GSTCD: variants seen among roughly 807,000 people sequenced by gnomAD.
GSTCD encodes the protein glutathione S-transferase C-terminal domain containing.
Under a neutral mutation model 68.3 loss-of-function variants are expected in GSTCD, and 44 were observed. That is an observed-to-expected ratio of 0.64 (90% confidence interval 0.51 to 0.83). The LOEUF (loss-of-function observed/expected upper bound fraction) is 0.83. Among genes scored for constraint, GSTCD ranks in the 40% least tolerant of loss-of-function variants. GSTCD has a pLI of 0.00. For synonymous variants in GSTCD, 273 were observed against 255.2 expected (o/e 1.07, Z -0.67); for missense variants, 739 against 735.9 (o/e 1.00, Z -0.05).
At chr4:105,740,348 G>A (rs1302093446) in intron 5 of GSTCD, among the ~76,000 whole-genome samples, 1 of 151,986 alleles carries the variant, frequency 6.6e-6, no homozygotes, top group Non-Finnish European at 1.5e-5. Context: ...TTCCCCACGG[G>A]GAGAGTTCCT....
chr4:105,783,895 A>G (rs1388650056), intron 5 of GSTCD, among the ~76,000 whole-genome samples: 1 of 152,216 alleles, frequency 6.6e-6, no homozygotes, highest in East Asian at 1.9e-4. Flanking sequence ...TGGAGAGTAC[A>G]AGCAAATTAG....
At chr4:105,719,630 G>A in intron 3 of GSTCD, 103 bp downstream of exon 3, 1 of 797,664 alleles carries the variant, frequency 1.3e-6, no homozygotes, top group Non-Finnish European at 2.0e-6. Flanking sequence ...ATGCTGCTAG[G>A]AAAGTTATTA....
chr4:105,805,522 G>C (rs570725393), intron 5 of GSTCD, among the ~76,000 whole-genome samples: 5 of 152,004 alleles, frequency 3.3e-5, no homozygotes, highest in African/African-American at 1.2e-4. Context: ...GTAAGATTCT[G>C]TTTGGTTTTT....
chr4:105,776,828 C>T (rs1735085713), intron 5 of GSTCD, among the ~76,000 whole-genome samples: 1 of 152,180 alleles, frequency 6.6e-6, no homozygotes, highest in Admixed American at 6.5e-5. Flanking sequence ...AAGATTCTAA[C>T]TTTATCTTTT....
chr4:105,754,411 A>G lies in GSTCD; in HGVS notation c.1240+24912A>G, dbSNP rs555183813. Among the ~76,000 whole-genome samples the G allele has an allele frequency of 1.1e-4, 16 of 152,332 alleles. No individual in the cohort carries two copies. In the South Asian group the frequency reaches 3.3e-3, roughly 32 times the overall value. ...TATTTAAATGGCATAAATATACAAT[A>G]TTAGTTATCAATAGTATAATGTTTA... On this transcript the variant is annotated intron_variant, in intron 5 of 11. Coordinates refer to ENST00000515279, the MANE Select transcript of GSTCD (RefSeq NM_001370181.1).
At chr4:105,718,452 A>G (rs1274172762) in intron 2 of GSTCD, among the ~76,000 whole-genome samples, 2 of 152,116 alleles carry the variant, frequency 1.3e-5, no homozygotes, top group African/African-American at 4.8e-5. Flanking sequence ...TTTGCCTTCT[A>G]CCATGACTAA....
chr4:105,766,887 CTTTTT>C lies in GSTCD; in HGVS notation c.1240+37409_1240+37413del. Among the ~76,000 whole-genome samples, 27 of 57,130 alleles carry C rather than the reference CTTTTT, an allele frequency of 4.7e-4. 1 individual carries two copies. Among genetic ancestry groups the C allele is most frequent in the African/African-American group, 1.7e-3 (21 of 12,438 alleles). The allele number at this position is 57,130 out of a possible 152,430, so 37.5% of individuals were successfully genotyped here. On this transcript the variant is annotated intron_variant, in intron 5 of 11. Coordinates refer to ENST00000515279, the MANE Select transcript of GSTCD (RefSeq NM_001370181.1). ...CAAAAGCATGAATAGGTTTTTGACT[CTTTTT>C]TTTTTTTTTTTTTTTTTTTTACCAG...
At position 105,820,185 on chromosome 4, in the gene GSTCD, A is replaced by C. The variant is rs560222362; in HGVS notation, c.1241-2769A>C. Reference sequence around the variant, plus strand: ...GATGAACCAAAAATGCTGGTGTTTTAACATGGCTTCCCCCTTGCTTAAAAA... The same window carrying C: ...GATGAACCAAAAATGCTGGTGTTTTCACATGGCTTCCCCCTTGCTTAAAAA... On this transcript the variant is annotated intron_variant, in intron 5 of 11. Transcript: ENST00000515279. 2.6e-5 allele frequency among the ~76,000 whole-genome samples: 4 copies of C among 151,740 alleles called. No homozygotes were observed. In the South Asian group the frequency reaches 8.3e-4, roughly 31 times the overall value.
intron 5 of GSTCD, among the ~76,000 whole-genome samples, chr4:105,785,267 A>G (rs1735422921): frequency 6.6e-6 from 1 of 152,222 alleles, no homozygotes; most frequent in Non-Finnish European, 1.5e-5. Context: ...TCATCACAGG[A>G]AAAGAAAACA....
intron 1 of GSTCD, among the ~76,000 whole-genome samples, chr4:105,716,770 A>C (rs1248013249): frequency 6.6e-6 from 1 of 152,220 alleles, no homozygotes; most frequent in African/African-American, 2.4e-5. Context: ...TAGAGGAATA[A>C]CAATCTACTT....
At position 105,717,976 on chromosome 4, in the gene GSTCD, C is replaced by T. The variant is rs1302617894; in HGVS notation, c.363C>T (p.Pro121=). ...TCCAGAAATCCTATGAAGCAGACCC[C>T]TTAAAGAAGGAACTTTTGGAACTTC... ...HIIQKSYEAD[P]LKKELLELLG... The change falls in exon 2 of 12, where the codon CCC becomes CCT. Residue 121 remains proline (P), a synonymous_variant. Transcript: ENST00000515279. 1.2e-6 allele frequency: 2 copies of T among 1,613,104 alleles called. No homozygotes were observed. The highest frequency in any genetic ancestry group is 1.7e-6 in the Non-Finnish European group (2 of 1,179,746).
At chr4:105,822,377 T>C (rs1011694214) in intron 5 of GSTCD, among the ~76,000 whole-genome samples, 1 of 152,214 alleles carries the variant, frequency 6.6e-6, no homozygotes. Flanking sequence ...ACCATTGATA[T>C]ATTTCAGACA....
chr4:105,727,943 T>C (rs868497973), intron 4 of GSTCD, among the ~76,000 whole-genome samples: 3 of 152,220 alleles, frequency 2.0e-5, no homozygotes, highest in African/African-American at 7.2e-5. Flanking sequence ...AGGAAGTATT[T>C]GAGTTCGGTA....
chr4:105,797,760 C>CTTTTTTTTTTTTT lies in GSTCD; in HGVS notation c.1241-25174_1241-25162dup, dbSNP rs70941218. On this transcript the variant is annotated intron_variant, in intron 5 of 11. Transcript: ENST00000515279. ...TGATAGCATTTTACACACAATAGAA[C>CTTTTTTTTTTTTT]TTTTTTTTTTTTTTTTTTTTTTTTT... Among the ~76,000 whole-genome samples the CTTTTTTTTTTTTT allele has an allele frequency of 1.6e-4, 14 of 84,954 alleles. 1 individual carries two copies. The highest frequency in any genetic ancestry group is 5.7e-4 in the African/African-American group (12 of 21,098). 55.7% of individuals were successfully genotyped at this position (84,954 alleles called of 152,430 possible). A position where few individuals can be genotyped will look rare whatever the true frequency, so the allele number is the denominator to read the frequency against.
At chr4:105,826,390 C>T (rs1723609609) in intron 8 of GSTCD, among the ~76,000 whole-genome samples, 1 of 151,796 alleles carries the variant, frequency 6.6e-6, no homozygotes, top group South Asian at 2.1e-4. Flanking sequence ...TTTTTGTAGA[C>T]TTTGAGTTTT....
chr4:105,734,137 A>G (rs1733362214), intron 5 of GSTCD, among the ~76,000 whole-genome samples: 1 of 151,834 alleles, frequency 6.6e-6, no homozygotes, highest in African/African-American at 2.4e-5. Flanking sequence ...CTTCATTTCA[A>G]CTTTGGTGAA....
intron 5 of GSTCD, among the ~76,000 whole-genome samples, chr4:105,755,084 A>T (rs866819748): frequency 0.052 from 7,240 of 140,276 alleles, 359 homozygotes; most frequent in Middle Eastern, 0.13. Flanking sequence ...AAAAAAAAAA[A>T]AAAAAAAAAA....
intron 5 of GSTCD, chr4:105,820,455 G>A (rs1393996753): frequency 1.3e-5 from 2 of 151,722 alleles, no homozygotes; most frequent in South Asian, 2.1e-4. Context: ...TGTAAATATT[G>A]TCTCAGGCAC....
At chr4:105,817,988 T>C (rs151244062) in intron 5 of GSTCD, among the ~76,000 whole-genome samples, 411 of 152,066 alleles carry the variant, frequency 2.7e-3, no homozygotes, top group Non-Finnish European at 4.8e-3. Context: ...AGAAAACTCA[T>C]TCATTAAACT....
Sources: gnomAD v4.1 joint callset for allele counts (sites outside exome capture counted in the v4.1 genomes callset) on GRCh38, gnomAD v4.1.1 for gene constraint, MANE v1.5 for transcripts, NCBI Gene and HGNC (gene_info 2026-07-23, HGNC 2026-07-21) for gene names.